NAV2: variants seen among roughly 807,000 people sequenced by gnomAD.
NAV2 encodes the protein neuron navigator 2.
In NAV2, 54 loss-of-function variants were observed where a neutral mutation model predicts 223.2. The ratio of observed to expected loss-of-function variants is 0.24; its 90% CI spans 0.19 to 0.30. The LOEUF is 0.30. NAV2 is among the 10% of genes least tolerant of loss of function. The probability of loss-of-function intolerance (pLI) is 1.00; values close to 1 mark genes in which losing one functional copy is unlikely to be tolerated. For synonymous variants in NAV2, 1,279 were observed against 1,239.3 expected (o/e 1.03, Z -0.67); for missense variants, 2,806 against 3,147.5 (o/e 0.89, Z 2.60).
chr11:19,995,590 T>C (rs531735082), intron 11 of NAV2, among the ~76,000 whole-genome samples: 1 of 152,298 alleles, frequency 6.6e-6, no homozygotes, highest in African/African-American at 2.4e-5. Flanking sequence ...GAAGAATGTC[T>C]GGACCTGAAG....
intron 1 of NAV2, among the ~76,000 whole-genome samples, chr11:19,818,231 A>ATT (rs34649376): frequency 0.045 from 2,539 of 56,008 alleles, 532 homozygotes; most frequent in South Asian, 0.087. Context: ...GTATTTAGTG[A>ATT]TTTTTTTTTT....
At position 19,876,218 on chromosome 11, in the gene NAV2, G is replaced by A. The variant is rs188298950; in HGVS notation, c.512-3651G>A. Among the ~76,000 whole-genome samples the A allele has an allele frequency of 4.6e-5, 7 of 152,194 alleles. No individual in the cohort carries two copies. In the East Asian group the frequency reaches 1.4e-3, roughly 29 times the overall value. On this transcript the variant is annotated intron_variant, in intron 4 of 37. Coordinates refer to ENST00000349880, the MANE Select transcript of NAV2 (RefSeq NM_145117.5). ...TTTTTTTGTATTTTTAGTAGAGACGGTGTTTCACCATGTGAGCCAGGCTGG... is the reference window on the plus strand; with the variant it reads ...TTTTTTTGTATTTTTAGTAGAGACGATGTTTCACCATGTGAGCCAGGCTGG...
chr11:19,711,161 T>C (rs2049854397), upstream of NAV2: 1 of 152,236 alleles, frequency 6.6e-6, no homozygotes, highest in South Asian at 2.1e-4. Context: ...AGTAGAAAGT[T>C]GCTACCTAGA....
intron 1 of NAV2, among the ~76,000 whole-genome samples, chr11:19,531,483 T>A (rs1278254998): frequency 6.6e-6 from 1 of 152,132 alleles, no homozygotes; most frequent in Admixed American, 6.5e-5. Context: ...TGGTAGGAAA[T>A]GATTGGACTC....
intron 1 of NAV2, among the ~76,000 whole-genome samples, chr11:19,777,033 C>A (rs1211677568): frequency 6.6e-6 from 1 of 151,764 alleles, no homozygotes; most frequent in Non-Finnish European, 1.5e-5. Flanking sequence ...ACTGAAGCGC[C>A]GGGTGCCACG....
chr11:19,467,200 A>G (rs1285843075), intron 1 of NAV2, among the ~76,000 whole-genome samples: 2 of 152,188 alleles, frequency 1.3e-5, no homozygotes, highest in Non-Finnish European at 2.9e-5. Flanking sequence ...AACATTTTTA[A>G]TATGTCAGAT....
chr11:19,986,159 C>A (rs543845357), intron 11 of NAV2, among the ~76,000 whole-genome samples: 1 of 152,278 alleles, frequency 6.6e-6, no homozygotes, highest in African/African-American at 2.4e-5. Context: ...CTATAGATCA[C>A]AGTTGAGCTT....
rs563072854 is a variant in NAV2 at position 20,042,511 on chromosome 11, CA to C, written c.2908-1467del. On this transcript the variant is annotated intron_variant, in intron 12 of 37. Coordinates refer to ENST00000349880, the MANE Select transcript of NAV2 (RefSeq NM_145117.5). ...TGACTAATACTTAGCTGGAAAAAAA[CA>C]AATGAAAGAACTCATAAGGTGTCTG... is the stretch of plus-strand genomic sequence containing the variant. Among the ~76,000 whole-genome samples the C allele has an allele frequency of 4.0e-3, 606 of 151,982 alleles. 1 individual carries two copies. Among genetic ancestry groups the C allele is most frequent in the African/African-American group, 0.014 (575 of 41,422 alleles).
At position 20,119,669 on chromosome 11, in the gene NAV2, C is replaced by G. The variant is rs1161157462; in HGVS notation, c.*1411C>G. 6.6e-6 allele frequency: 1 copy of G among 152,518 alleles called. No homozygotes were observed. The highest frequency in any genetic ancestry group is 6.5e-5 in the Admixed American group (1 of 15,280). 9.4% of individuals were successfully genotyped at this position (152,518 alleles called of 1,614,324 possible). On this transcript the variant is annotated 3_prime_UTR_variant, in exon 38 of 38. Transcript: ENST00000349880. ...AACTGTGTTCATTTTACATAAGTGT[C>G]GTGCCTGCCTGGGGTTTGTTTTTTT...
intron 1 of NAV2, among the ~76,000 whole-genome samples, chr11:19,734,645 GGTGGGGATGTGA>G (rs2052116127): frequency 6.6e-6 from 1 of 152,208 alleles, no homozygotes; most frequent in African/African-American, 2.4e-5. Context: ...GGCTAATGAA[GGTGGGGATGTGA>G]GTGATCCTGG....
chr11:19,951,257 G>A (rs779182141), intron 10 of NAV2, among the ~76,000 whole-genome samples: 8 of 152,088 alleles, frequency 5.3e-5, no homozygotes, highest in Non-Finnish European at 4.4e-5. Context: ...CACTTCTGAG[G>A]CCTTTATTTT....
chr11:19,677,702 T>G (rs2048754330), intron 1 of NAV2, among the ~76,000 whole-genome samples: 1 of 152,254 alleles, frequency 6.6e-6, no homozygotes. Context: ...ATTTTGTGAT[T>G]GATCTACAGA....
chr11:19,446,535 T>C (rs1851589024), intron 1 of NAV2, among the ~76,000 whole-genome samples: 2 of 152,232 alleles, frequency 1.3e-5, no homozygotes, highest in Middle Eastern at 3.4e-3. Context: ...TTTTTGGACA[T>C]GTTGGGGAGT....
At position 19,534,827 on chromosome 11, in the gene NAV2, T is replaced by A. The variant is rs79285672; in HGVS notation, c.75+183800T>A. On this transcript the variant is annotated intron_variant, in intron 1 of 37. Coordinates refer to the NAV2 transcript ENST00000360655. The stretch of plus-strand genomic sequence containing the variant: ...CCCAAGAGGCAATGTAGACTAGTAG[T>A]TAAGATGTAAGCTTTGAAGTTAATT... Among the ~76,000 whole-genome samples, 646 of 152,304 alleles carry A rather than the reference T, an allele frequency of 4.2e-3. 4 individuals carry two copies. Among genetic ancestry groups the A allele is most frequent in the African/African-American group, 0.015 (633 of 41,564 alleles).
At chr11:19,831,496 C>G (rs931154930) in intron 1 of NAV2, among the ~76,000 whole-genome samples, 3 of 152,008 alleles carry the variant, frequency 2.0e-5, no homozygotes, top group Non-Finnish European at 4.4e-5. Flanking sequence ...TTGTTCCTAT[C>G]CATTTGAAAA....
At chr11:19,419,298 G>A (rs1195272423) in intron 1 of NAV2, among the ~76,000 whole-genome samples, 1 of 152,206 alleles carries the variant, frequency 6.6e-6, no homozygotes, top group Non-Finnish European at 1.5e-5. Context: ...GGCACTGCAG[G>A]TGAGCCTCAT....
At chr11:19,971,430 A>C (rs760190648) in intron 10 of NAV2, among the ~76,000 whole-genome samples, 3 of 152,114 alleles carry the variant, frequency 2.0e-5, no homozygotes, top group Non-Finnish European at 4.4e-5. Context: ...CCTATTTTGC[A>C]GGGTATAAAA....
intron 1 of NAV2, among the ~76,000 whole-genome samples, chr11:19,454,669 G>A (rs964469630): frequency 3.3e-5 from 5 of 152,202 alleles, no homozygotes; most frequent in Admixed American, 2.6e-4. Flanking sequence ...AGGTGGGCCA[G>A]GCTGATGATG....
At position 19,810,633 on chromosome 11, in the gene NAV2, C is replaced by A. The variant is rs146258499; in HGVS notation, c.268-21851C>A. Among the ~76,000 whole-genome samples, 833 of 152,270 alleles carry A rather than the reference C, an allele frequency of 5.5e-3. 7 individuals carry two copies. Among genetic ancestry groups the A allele is most frequent in the Middle Eastern group, 0.02 (6 of 294 alleles). ...TTTAGTTTCTATAGAGTCTTCAATTCTAATCCATTACCACATGGCTCATCC... is the reference window on the plus strand; with the variant it reads ...TTTAGTTTCTATAGAGTCTTCAATTATAATCCATTACCACATGGCTCATCC... On this transcript the variant is annotated intron_variant, in intron 1 of 37. Coordinates refer to ENST00000349880, the MANE Select transcript of NAV2 (RefSeq NM_145117.5).
Sources: allele counts gnomAD v4.1 joint callset (sites outside exome capture counted in the v4.1 genomes callset), GRCh38; gene constraint gnomAD v4.1.1; transcripts MANE v1.5; gene names NCBI Gene and HGNC (gene_info 2026-07-23, HGNC 2026-07-21).